The following TNRC6A variants were observed in gnomAD, a reference collection of about 807,000 sequenced individuals.
TNRC6A encodes trinucleotide repeat containing adaptor 6A, also known as trinucleotide repeat-containing gene 6A protein.
TNRC6A carries 44 observed loss-of-function variants against 221.2 expected under a neutral mutation model. The ratio of observed to expected loss-of-function variants is 0.20; its 90% CI spans 0.16 to 0.26. TNRC6A has a LOEUF of 0.26. Ranked by LOEUF, TNRC6A falls within the 10% of genes least tolerant of loss-of-function variation. The pLI, the probability that TNRC6A is intolerant of heterozygous loss-of-function variation, is 1.00. For synonymous variants in TNRC6A, 847 were observed against 838.5 expected (o/e 1.01, Z -0.18); for missense variants, 2,199 against 2,404.4 (o/e 0.91, Z 1.79).
In TNRC6A at chr16:24,618,919, G is replaced by A. The variant is rs79853270; in HGVS notation, n.276+8435G>A. On this transcript the variant is annotated intron_variant and non_coding_transcript_variant, in intron 1 of 2. Coordinates refer to the TNRC6A transcript ENST00000566108. ...TGCTAGGATTACAGGTGTGAGCTAC[G>A]GTTCCTGGCCAATGTTTTTGTAATA... Among the ~76,000 whole-genome samples the A allele has an allele frequency of 2.3e-4, 35 of 152,062 alleles. 1 individual carries two copies. In the East Asian group the frequency reaches 6.4e-3, roughly 28 times the overall value.
chr16:24,683,589 C>G (rs556510096), intron 2 of TNRC6A, among the ~76,000 whole-genome samples: 1 of 152,268 alleles, frequency 6.6e-6, no homozygotes, highest in East Asian at 1.9e-4. Context: ...CATCAGCCAC[C>G]CTCTTCCCCA....
chr16:24,753,853 T>C (rs1338833625), intron 3 of TNRC6A, among the ~76,000 whole-genome samples: 2 of 152,230 alleles, frequency 1.3e-5, no homozygotes, highest in African/African-American at 4.8e-5. Context: ...ATTTTTAATA[T>C]AAGGAACCTA....
Position 24,730,265 on chromosome 16 carries a change from T to C in TNRC6A, c.18T>C (p.Ala6=). Residue 6 remains alanine (A), a synonymous_variant, in exon 2 of 25, where the codon GCT becomes GCC. Coordinates refer to ENST00000395799, the MANE Select transcript of TNRC6A (RefSeq NM_014494.4). MRELE[A]KATKDVERNL... ...TTTTTTGTTTCAGAGAATTGGAAGCTAAAGCTACCAAAGACGTAGAAAGAA... is the reference window on the plus strand; with the variant it reads ...TTTTTTGTTTCAGAGAATTGGAAGCCAAAGCTACCAAAGACGTAGAAAGAA... The C allele has an allele frequency of 2.5e-6, 4 of 1,604,298 alleles. No homozygotes were observed. Among genetic ancestry groups the C allele is most frequent in the Non-Finnish European group, 3.4e-6 (4 of 1,176,696 alleles).
At chr16:24,772,093 T>C (rs1167904623) in intron 4 of TNRC6A, among the ~76,000 whole-genome samples, 2 of 152,256 alleles carry the variant, frequency 1.3e-5, no homozygotes, top group Non-Finnish European at 2.9e-5. Flanking sequence ...ACCCCTGTTG[T>C]ATAACATAGT....
At chr16:24,792,613 C>CTT (rs34670934) in intron 6 of TNRC6A, among the ~76,000 whole-genome samples, 853 of 56,494 alleles carry the variant, frequency 0.015, 5 homozygotes, top group Non-Finnish European at 0.019. Flanking sequence ...ACATTTATGG[C>CTT]TTTTTTTTTT....
Position 24,789,717 on chromosome 16 carries a change from A to G in TNRC6A, c.1075A>G (p.Ser359Gly). The G allele has an allele frequency of 3.1e-6, 5 of 1,614,232 alleles. No homozygotes were observed. The highest frequency in any genetic ancestry group is 3.4e-6 in the Non-Finnish European group (4 of 1,180,048). Residue 359 changes from serine to glycine, a missense_variant, in exon 6 of 25, where the codon AGC becomes GGC. By Grantham distance (56) the Ser-to-Gly change is moderately conservative. Around this residue, in one of 8 missense-constraint regions of TNRC6A, gnomAD observed 1,405 missense variants for 1,400.2 expected, o/e 1.00. Transcript: ENST00000395799. ...TTCATCAAATGGAGGGTTAAATCCA[A>G]GCACTTTGAATTCAGCTAGCAACCA... Reference protein sequence around the residue: ...SSSSNGGLNPSTLNSASNHGA... With the variant: ...SSSSNGGLNPGTLNSASNHGA...
intron 2 of TNRC6A, among the ~76,000 whole-genome samples, chr16:24,703,740 G>A (rs1328506492): frequency 6.6e-6 from 1 of 152,078 alleles, no homozygotes; most frequent in Non-Finnish European, 1.5e-5. Flanking sequence ...TTTCTCTTGA[G>A]TATACACCTA....
rs1484266275 is a variant in TNRC6A at position 24,729,746 on chromosome 16, G to A, written c.-96G>A. 1 of 1,289,878 alleles carries A rather than the reference G, an allele frequency of 7.8e-7. No individual in the cohort carries two copies. The highest frequency in any genetic ancestry group is 9.9e-7 in the Non-Finnish European group (1 of 1,007,580). The allele number at this position is 1,289,878 out of a possible 1,614,324, so 79.9% of individuals were successfully genotyped here. On this transcript the variant is annotated 5_prime_UTR_variant, in exon 1 of 25. In the 5' UTR this introduces an upstream ATG that the reference lacks. Coordinates refer to ENST00000395799, the MANE Select transcript of TNRC6A (RefSeq NM_014494.4). The stretch of plus-strand genomic sequence containing the variant: ...CGGGTCGGTGTAGAAAATGGCGCTG[G>A]TGCAGCGGCTCGGGCCTCTCCCCGC...
At chr16:24,696,461 C>A (rs914554311) in intron 2 of TNRC6A, among the ~76,000 whole-genome samples, 1 of 151,562 alleles carries the variant, frequency 6.6e-6, no homozygotes, top group African/African-American at 2.4e-5. Flanking sequence ...CCAGGCAAAG[C>A]AGCTTACGCC....
intron 2 of TNRC6A, among the ~76,000 whole-genome samples, chr16:24,713,531 G>A (rs1317416220): frequency 6.6e-6 from 1 of 152,104 alleles, no homozygotes. Context: ...CACTTGCAGT[G>A]TTTCTAATGG....
At chr16:24,727,436 C>G (rs1233136199), upstream of TNRC6A, among the ~76,000 whole-genome samples, 1 of 152,156 alleles carries the variant, frequency 6.6e-6, no homozygotes, top group Admixed American at 6.5e-5. Flanking sequence ...TTGTAGGGGA[C>G]TGTCCTACGC....
intron 2 of TNRC6A, among the ~76,000 whole-genome samples, chr16:24,690,547 A>C (rs929412886): frequency 7.9e-5 from 12 of 152,124 alleles, no homozygotes; most frequent in Non-Finnish European, 7.3e-5. Flanking sequence ...ATCTGTTCAC[A>C]AGTATTATTT....
rs539336279 is a variant in TNRC6A at position 24,749,812 on chromosome 16, G to A, written c.54-914G>A. On this transcript the variant is annotated intron_variant, in intron 2 of 24. Coordinates refer to ENST00000395799, the MANE Select transcript of TNRC6A (RefSeq NM_014494.4). ...GTTCTGTTGACAACTTTAACCATTT[G>A]AGATTTTTAAAATTTAAACAAACTA... Among the ~76,000 whole-genome samples the A allele has an allele frequency of 7.2e-5, 11 of 152,248 alleles. No individual in the cohort carries two copies. In the East Asian group the frequency reaches 2.1e-3, roughly 29 times the overall value.
chr16:24,652,825 C>G (rs529458636), intron 2 of TNRC6A, among the ~76,000 whole-genome samples: 36 of 152,142 alleles, frequency 2.4e-4, no homozygotes, highest in Non-Finnish European at 3.7e-4. Context: ...TTAAGTTTAC[C>G]CCAGGGAAAA....
At chr16:24,807,235 C>T (rs955260403) in intron 17 of TNRC6A, among the ~76,000 whole-genome samples, 4 of 152,180 alleles carry the variant, frequency 2.6e-5, no homozygotes, top group African/African-American at 9.7e-5. Context: ...GAACTCCTGA[C>T]CTCAGGTGAT....
At position 24,791,457 on chromosome 16, in the gene TNRC6A, A is replaced by G. The variant is rs2058098294; in HGVS notation, c.2815A>G (p.Lys939Glu). Residue 939 changes from lysine (K) to glutamate (E), a missense_variant, in exon 6 of 25, where the codon AAG (lysine) becomes GAG (glutamate). Transcript: ENST00000395799. ...GTCTCTAGGTTGGGGAGATTCGTCA[A>G]AGCCAGTCAGCTCTCCAGACTGGAA... ...NQSLGWGDSS[K>E]PVSSPDWNKQ... 1.3e-6 allele frequency: 2 copies of G among 1,531,870 alleles called. No homozygotes were observed. The highest frequency in any genetic ancestry group is 1.7e-6 in the Non-Finnish European group (2 of 1,142,988). The allele number at this position is 1,531,870 out of a possible 1,614,324, so 94.9% of individuals were successfully genotyped here.
intron 4 of TNRC6A, among the ~76,000 whole-genome samples, chr16:24,773,617 T>C (rs1241934585): frequency 6.6e-6 from 1 of 152,242 alleles, no homozygotes; most frequent in Non-Finnish European, 1.5e-5. Flanking sequence ...TTACCTGTTT[T>C]CAAGATACAT....
At position 24,777,327 on chromosome 16, in the gene TNRC6A, C is replaced by G; in HGVS notation, c.558C>G (p.Asn186Lys). The change falls in exon 5 of 25, where the codon AAC becomes AAG. Residue 186 changes from asparagine (N) to lysine (K), a missense_variant. Physicochemically the swap from Asn to Lys is moderately conservative, Grantham distance 94. Transcript: ENST00000395799. Reference protein sequence around the residue: ...SALTNQQPQNNGEVQNSKNQS... With the variant: ...SALTNQQPQNKGEVQNSKNQS... ...TAACAAATCAACAGCCACAAAATAA[C>G]GGAGAGGTGCAGAACAGCAAAAACC... 3.1e-6 allele frequency: 5 copies of G among 1,612,696 alleles called. No homozygotes were observed. The highest frequency in any genetic ancestry group is 4.2e-6 in the Non-Finnish European group (5 of 1,179,946).
intron 18 of TNRC6A, among the ~76,000 whole-genome samples, chr16:24,814,393 C>A (rs370085967): frequency 8.0e-5 from 9 of 112,394 alleles, no homozygotes; most frequent in Admixed American, 2.5e-4. Flanking sequence ...TCATTTTTTT[C>A]TTTTCTTTTT....
Sources: allele counts gnomAD v4.1 joint callset (sites outside exome capture counted in the v4.1 genomes callset), GRCh38; gene constraint gnomAD v4.1.1; regional missense constraint gnomAD v4.1.1; transcripts MANE v1.5; gene names NCBI Gene and HGNC (gene_info 2026-07-23, HGNC 2026-07-21).